The following RUNX1 variants were observed in gnomAD, a reference collection of about 807,000 sequenced individuals.
The protein encoded by RUNX1 is runt-related transcription factor 1.
In RUNX1, 19 loss-of-function variants were observed where a neutral mutation model predicts 42.8. The observed-to-expected ratio is 0.44, with a 90% CI of 0.31 to 0.65. The LOEUF is 0.65. Among genes scored for constraint, RUNX1 ranks in the 30% least tolerant of loss-of-function variants. The pLI is 0.07. For missense variants in RUNX1, 528 were observed against 672.0 expected (o/e 0.79, Z 2.37); for synonymous variants, 271 against 289.4 (o/e 0.94, Z 0.64).
intron 2 of RUNX1, among the ~76,000 whole-genome samples, chr21:35,045,289 C>T (rs1256283874): frequency 2.0e-5 from 3 of 152,166 alleles, no homozygotes; most frequent in African/African-American, 7.2e-5. Flanking sequence ...TCTTTAACAT[C>T]CAAGAGAGCA....
intron 7 of RUNX1, among the ~76,000 whole-genome samples, chr21:34,824,715 G>A (rs1230443406): frequency 6.6e-6 from 1 of 152,130 alleles, no homozygotes; most frequent in Non-Finnish European, 1.5e-5. Flanking sequence ...GTGTTCTGAG[G>A]GCCAGAGAGA....
intron 2 of RUNX1, among the ~76,000 whole-genome samples, chr21:35,019,780 G>A (rs910104662): frequency 6.6e-6 from 1 of 152,096 alleles, no homozygotes. Context: ...CAAGTCCATC[G>A]CCAGAACAAG....
At chr21:34,872,315 T>C (rs1489385167) in intron 5 of RUNX1, among the ~76,000 whole-genome samples, 1 of 152,150 alleles carries the variant, frequency 6.6e-6, no homozygotes, top group African/African-American at 2.4e-5. Context: ...GTGACATTCA[T>C]GAGGGGGTGG....
chr21:34,908,537 T>C (rs1241505383), intron 2 of RUNX1, among the ~76,000 whole-genome samples: 8 of 152,158 alleles, frequency 5.3e-5, no homozygotes, highest in Non-Finnish European at 1.2e-4. Context: ...TAGCAAATAT[T>C]GCATCAACTC....
chr21:34,853,100 CAACA>C (rs2057446719), intron 6 of RUNX1, among the ~76,000 whole-genome samples: 3 of 152,154 alleles, frequency 2.0e-5, no homozygotes, highest in African/African-American at 7.2e-5. Flanking sequence ...TCGTGAAGGC[CAACA>C]CCGGAAGAAG....
At chr21:34,982,987 A>G (rs1264297532) in intron 2 of RUNX1, among the ~76,000 whole-genome samples, 1 of 152,262 alleles carries the variant, frequency 6.6e-6, no homozygotes, top group Non-Finnish European at 1.5e-5. Context: ...AAAGTCCACT[A>G]TATTAAGCTG....
intron 2 of RUNX1, among the ~76,000 whole-genome samples, chr21:34,906,203 T>C (rs2058217871): frequency 6.6e-6 from 1 of 152,226 alleles, no homozygotes. Context: ...AGAGACTGGG[T>C]AGCAGAACAG....
chr21:35,012,559 CTCT>C (rs2059133321), intron 2 of RUNX1, among the ~76,000 whole-genome samples: 1 of 152,162 alleles, frequency 6.6e-6, no homozygotes, highest in Non-Finnish European at 1.5e-5. Flanking sequence ...TGGCGACTCT[CTCT>C]TAATGAACAA....
At chr21:34,872,797 A>C (rs1465874025) in intron 5 of RUNX1, among the ~76,000 whole-genome samples, 2 of 152,178 alleles carry the variant, frequency 1.3e-5, no homozygotes, top group Non-Finnish European at 2.9e-5. Flanking sequence ...GCCTCTACTT[A>C]CTAGATGCCA....
intron 4 of RUNX1, among the ~76,000 whole-genome samples, chr21:34,886,399 A>G (rs2057987974): frequency 6.6e-6 from 1 of 152,224 alleles, no homozygotes; most frequent in South Asian, 2.1e-4. Context: ...ACTGACTTGA[A>G]GGCAGAAAAG....
chr21:34,993,584 CAG>C (rs2058964512), intron 2 of RUNX1, among the ~76,000 whole-genome samples: 1 of 148,466 alleles, frequency 6.7e-6, no homozygotes. Context: ...GGCACACACA[CAG>C]ACACACACAC....
chr21:34,826,096 A>G (rs2056983243), intron 7 of RUNX1, among the ~76,000 whole-genome samples: 1 of 152,244 alleles, frequency 6.6e-6, no homozygotes, highest in Non-Finnish European at 1.5e-5. Flanking sequence ...GCCACAGGAA[A>G]CTAATATACT....
intron 3 of RUNX1, among the ~76,000 whole-genome samples, chr21:34,888,924 C>A (rs918904568): frequency 6.6e-5 from 10 of 151,572 alleles, no homozygotes; most frequent in Admixed American, 5.9e-4. Flanking sequence ...CCCCGCGCCC[C>A]GCATCCAAGC....
At chr21:34,917,601 C>T (rs914590097) in intron 2 of RUNX1, among the ~76,000 whole-genome samples, 2 of 152,188 alleles carry the variant, frequency 1.3e-5, no homozygotes, top group African/African-American at 4.8e-5. Flanking sequence ...ATATCTCTCT[C>T]ATTCTTGGCA....
At chr21:35,041,279 C>G (rs763086036) in intron 2 of RUNX1, among the ~76,000 whole-genome samples, 1 of 152,200 alleles carries the variant, frequency 6.6e-6, no homozygotes, top group South Asian at 2.1e-4. Flanking sequence ...AGACTGAATA[C>G]GTTGAGTATT....
intron 2 of RUNX1, among the ~76,000 whole-genome samples, chr21:34,963,041 C>G (rs2058692470): frequency 6.6e-6 from 1 of 152,190 alleles, no homozygotes; most frequent in Non-Finnish European, 1.5e-5. Context: ...TTCTAAGGAG[C>G]AGTCAAGGCT....
Position 34,788,502 on chromosome 21 carries a change from T to C in RUNX1, c.*3633A>G, listed in dbSNP as rs2056396359. 4.3e-6 allele frequency: 1 copy of C among 233,114 alleles called. No individual in the cohort carries two copies. Among genetic ancestry groups the C allele is most frequent in the Non-Finnish European group, 8.5e-6 (1 of 117,806 alleles). 14.4% of individuals were successfully genotyped at this position (233,114 alleles called of 1,614,324 possible). ...ATAAACAAAGTAGAAAGAAGCATTT[T>C]TTTCCCTACAGTATTTAGCAAACCT... On this transcript the variant is annotated 3_prime_UTR_variant, in exon 9 of 9. Coordinates refer to ENST00000675419, the MANE Select transcript of RUNX1 (RefSeq NM_001754.5).
chr21:34,911,368 C>T (rs1198495374), intron 2 of RUNX1, among the ~76,000 whole-genome samples: 2 of 152,164 alleles, frequency 1.3e-5, no homozygotes, highest in African/African-American at 4.8e-5. Context: ...TAGATAGCAA[C>T]CCTGGGAGGG....
intron 3 of RUNX1, chr21:34,889,964 G>T: frequency 3.3e-6 from 2 of 602,160 alleles, no homozygotes; most frequent in Non-Finnish European, 4.2e-6. Context: ...TGGTCCCCGC[G>T]GAGCCCCTCA....
Sources: gnomAD v4.1 joint callset for allele counts (sites outside exome capture counted in the v4.1 genomes callset) on GRCh38, gnomAD v4.1.1 for gene constraint, MANE v1.5 for transcripts, NCBI Gene and HGNC (gene_info 2026-07-23, HGNC 2026-07-21) for gene names.